The following TMEFF2 variants were observed in gnomAD, a reference collection of about 807,000 sequenced individuals.
TMEFF2 encodes tomoregulin-2.
TMEFF2 carries 28 observed loss-of-function variants against 53.8 expected under a neutral mutation model. The observed-to-expected ratio is 0.52, with a 90% CI of 0.39 to 0.71. The LOEUF (loss-of-function observed/expected upper bound fraction) is 0.71, where lower values mean the gene tolerates loss of function less well. Among genes scored for constraint, TMEFF2 ranks in the 30% least tolerant of loss-of-function variants. The pLI is 0.00. For missense variants in TMEFF2, 353 were observed against 455.2 expected (o/e 0.78, Z 2.04); for synonymous variants, 162 against 166.3 (o/e 0.97, Z 0.20).
chr2:192,188,673 T>C (rs1031821734), intron 2 of TMEFF2, among the ~76,000 whole-genome samples: 5 of 152,198 alleles, frequency 3.3e-5, no homozygotes, highest in African/African-American at 1.2e-4. Flanking sequence ...CTGAATTAGG[T>C]AATACCTGAA....
intron 5 of TMEFF2, among the ~76,000 whole-genome samples, chr2:192,019,448 T>C (rs1686813752): frequency 1.3e-5 from 2 of 152,050 alleles, no homozygotes; most frequent in African/African-American, 4.8e-5. Flanking sequence ...TAAAGCCACA[T>C]TGCATACCAG....
At chr2:192,093,133 C>T (rs1179914285) in intron 4 of TMEFF2, among the ~76,000 whole-genome samples, 1 of 152,118 alleles carries the variant, frequency 6.6e-6, no homozygotes, top group African/African-American at 2.4e-5. Context: ...TCTCTTTTAG[C>T]TTTATTTGTA....
At chr2:192,156,422 T>C (rs149070161) in intron 4 of TMEFF2, among the ~76,000 whole-genome samples, 1 of 152,048 alleles carries the variant, frequency 6.6e-6, no homozygotes, top group African/African-American at 2.4e-5. Context: ...GTTCCACAGT[T>C]AGGAAGAAGT....
At chr2:192,028,063 G>C (rs572412673) in intron 5 of TMEFF2, 3 of 151,390 alleles carry the variant, frequency 2.0e-5, no homozygotes, top group East Asian at 2.0e-4. Flanking sequence ...ATTATGGGGG[G>C]GGGGGGGGTC....
At chr2:192,005,685 C>T (rs1015210260) in intron 5 of TMEFF2, among the ~76,000 whole-genome samples, 9 of 152,132 alleles carry the variant, frequency 5.9e-5, no homozygotes, top group Admixed American at 1.3e-4. Context: ...GGGGCCATTA[C>T]GCAGACCCTC....
At position 191,998,312 on chromosome 2, in the gene TMEFF2, G is replaced by C; in HGVS notation, c.695C>G (p.Thr232Ser). 1.9e-6 allele frequency: 3 copies of C among 1,597,488 alleles called. No homozygotes were observed. Among genetic ancestry groups the C allele is most frequent in the Non-Finnish European group, 2.6e-6 (3 of 1,172,282 alleles). The change falls in exon 7 of 10, where the codon ACT (threonine) becomes AGT (serine). Residue 232 changes from threonine to serine, a missense_variant. Physicochemically the swap from Thr to Ser is moderately conservative, Grantham distance 58. Around this residue, in one of 3 missense-constraint regions of TMEFF2, gnomAD observed 294 missense variants for 397.3 expected, o/e 0.74. Coordinates refer to ENST00000272771, the MANE Select transcript of TMEFF2 (RefSeq NM_016192.4). Reference protein sequence around the residue: ...MSLGRCQDNTTTTTKSEDGHY... With the variant: ...MSLGRCQDNTSTTTKSEDGHY... Reference sequence around the variant, plus strand: ...CCCATCTTCAGACTTAGTAGTTGTAGTTGTGTTATCTGTGTTAAAAAATTA... The same window carrying C: ...CCCATCTTCAGACTTAGTAGTTGTACTTGTGTTATCTGTGTTAAAAAATTA...
rs578154131 is a variant in TMEFF2 at position 192,132,177 on chromosome 2, T to C, written c.439+47491A>G. Among the ~76,000 whole-genome samples, 512 of 152,128 alleles carry C rather than the reference T, an allele frequency of 3.4e-3. 1 individual carries two copies. Among genetic ancestry groups the C allele is most frequent in the Non-Finnish European group, 4.5e-3 (306 of 68,000 alleles). On this transcript the variant is annotated intron_variant, in intron 4 of 9. Coordinates refer to ENST00000272771, the MANE Select transcript of TMEFF2 (RefSeq NM_016192.4). ...TCCACCCTGTAATCTTTTTATCACC[T>C]CCCCTCCTCACACCTGGTCTGGCTT...
intron 4 of TMEFF2, among the ~76,000 whole-genome samples, chr2:192,095,423 C>T (rs1025132330): frequency 1.3e-5 from 2 of 152,060 alleles, no homozygotes; most frequent in African/African-American, 2.4e-5. Context: ...GCCATGAATT[C>T]GAGACCAGCC....
At chr2:192,152,268 C>T (rs186130454) in intron 4 of TMEFF2, among the ~76,000 whole-genome samples, 1 of 151,962 alleles carries the variant, frequency 6.6e-6, no homozygotes, top group African/African-American at 2.4e-5. Flanking sequence ...AGGTTTGAAT[C>T]CAGATAGGAA....
chr2:192,083,999 C>A (rs986602686), intron 4 of TMEFF2, among the ~76,000 whole-genome samples: 2 of 151,964 alleles, frequency 1.3e-5, no homozygotes, highest in African/African-American at 4.8e-5. Context: ...TCATTGTTAC[C>A]ATTGATGGGA....
intron 5 of TMEFF2, among the ~76,000 whole-genome samples, chr2:192,000,743 A>G (rs889610019): frequency 6.6e-6 from 1 of 152,216 alleles, no homozygotes; most frequent in African/African-American, 2.4e-5. Context: ...GCTGGCAGAA[A>G]ATGTGCTAAT....
intron 4 of TMEFF2, among the ~76,000 whole-genome samples, chr2:192,141,913 C>T (rs772836754): frequency 2.0e-5 from 3 of 152,032 alleles, no homozygotes; most frequent in Non-Finnish European, 4.4e-5. Context: ...TTCAATCCTC[C>T]TAGGCTTATA....
chr2:192,076,112 T>C (rs1559115732), intron 4 of TMEFF2, among the ~76,000 whole-genome samples: 1 of 152,016 alleles, frequency 6.6e-6, no homozygotes, highest in Non-Finnish European at 1.5e-5. Context: ...TTAGGGAATA[T>C]TTATTACATA....
chr2:192,084,229 T>G (rs1688616499), intron 4 of TMEFF2, among the ~76,000 whole-genome samples: 1 of 152,178 alleles, frequency 6.6e-6, no homozygotes, highest in South Asian at 2.1e-4. Context: ...GAAGGCTGAT[T>G]TTTTTGCTGT....
At chr2:192,012,785 A>T (rs1686661567) in intron 5 of TMEFF2, among the ~76,000 whole-genome samples, 1 of 152,212 alleles carries the variant, frequency 6.6e-6, no homozygotes, top group South Asian at 2.1e-4. Context: ...AGTCACTTGG[A>T]TCACAAAATA....
At chr2:192,070,056 G>C (rs1226467056) in intron 4 of TMEFF2, among the ~76,000 whole-genome samples, 1 of 136,572 alleles carries the variant, frequency 7.3e-6, no homozygotes, top group Non-Finnish European at 1.6e-5. Flanking sequence ...CTTCACGTTT[G>C]GGGGGAAAAT....
Position 192,194,443 on chromosome 2 carries a change from T to A in TMEFF2, c.82A>T (p.Met28Leu). ...ACCGGGCGGGCTACGATGAGTAGCATGACGGGCAGCAGCAGCAGCCAGCAA... is the reference window on the plus strand; with the variant it reads ...ACCGGGCGGGCTACGATGAGTAGCAAGACGGGCAGCAGCAGCAGCCAGCAA... Reference protein sequence around the residue: ...GFCWLLLLPVMLLIVARPVKL... With the variant: ...GFCWLLLLPVLLLIVARPVKL... The change falls in exon 1 of 10, where the codon ATG (methionine) becomes TTG (leucine). Residue 28 changes from methionine (M) to leucine (L), a missense_variant. Coordinates refer to ENST00000272771, the MANE Select transcript of TMEFF2 (RefSeq NM_016192.4). The surrounding 1 kb of genome is among the most constrained non-coding windows in gnomAD (Gnocchi z 4.2). 1 of 1,614,076 alleles carries A rather than the reference T, an allele frequency of 6.2e-7. No individual in the cohort carries two copies. Among genetic ancestry groups the A allele is most frequent in the East Asian group, 2.2e-5 (1 of 44,858 alleles).
intron 7 of TMEFF2, among the ~76,000 whole-genome samples, chr2:191,957,959 A>T (rs889936361): frequency 1.3e-5 from 2 of 152,236 alleles, no homozygotes; most frequent in African/African-American, 2.4e-5. Flanking sequence ...CTTTGAAGTT[A>T]CTTTGGAATT....
chr2:192,132,129 A>G (rs1054545063), intron 4 of TMEFF2, among the ~76,000 whole-genome samples: 2 of 151,918 alleles, frequency 1.3e-5, no homozygotes, highest in African/African-American at 4.8e-5. Context: ...GCTAGGCCCC[A>G]ATTCTTCCTC....
Sources: gnomAD v4.1 joint callset for allele counts (sites outside exome capture counted in the v4.1 genomes callset) on GRCh38, gnomAD v4.1.1 for gene constraint, gnomAD v4.1.1 regional missense constraint, Gnocchi (gnomAD v3.1) non-coding constraint, MANE v1.5 for transcripts, NCBI Gene and HGNC (gene_info 2026-07-23, HGNC 2026-07-21) for gene names.